Variants in THSD4 observed in about 807,000 individuals in gnomAD.
The protein encoded by THSD4 is thrombospondin type 1 domain containing 4.
In THSD4, 69 loss-of-function variants were observed where a neutral mutation model predicts 119.0. That is an observed-to-expected ratio of 0.58 (90% CI 0.48 to 0.71). The LOEUF (loss-of-function observed/expected upper bound fraction) is 0.71, where lower values mean the gene tolerates loss of function less well. Among genes scored for constraint, THSD4 ranks in the 30% least tolerant of loss-of-function variants. The probability of loss-of-function intolerance (pLI) is 0.00; values close to 1 mark genes in which losing one functional copy is unlikely to be tolerated. For missense variants in THSD4, 1,393 were observed against 1,391.1 expected (o/e 1.00, Z -0.02); for synonymous variants, 524 against 540.4 (o/e 0.97, Z 0.42).
intron 8 of THSD4, among the ~76,000 whole-genome samples, chr15:71,686,194 T>C (rs1296556048): frequency 6.6e-6 from 1 of 152,220 alleles, no homozygotes; most frequent in African/African-American, 2.4e-5. Flanking sequence ...TAGAACTTTC[T>C]TCATCTTCCA....
intron 8 of THSD4, among the ~76,000 whole-genome samples, chr15:71,724,565 G>A (rs796573567): frequency 2.4e-4 from 25 of 106,354 alleles, no homozygotes; most frequent in African/African-American, 6.6e-4. Flanking sequence ...GATTACAGGC[G>A]TGAGGCACTA....
intron 2 of THSD4, among the ~76,000 whole-genome samples, chr15:71,146,361 G>A (rs1360130146): frequency 1.3e-5 from 2 of 151,792 alleles, no homozygotes; most frequent in Non-Finnish European, 2.9e-5. Flanking sequence ...AAAGCAGTCT[G>A]AGTACCAGAA....
At chr15:71,544,710 G>A (rs2048811310) in intron 7 of THSD4, among the ~76,000 whole-genome samples, 1 of 152,204 alleles carries the variant, frequency 6.6e-6, no homozygotes, top group African/African-American at 2.4e-5. Flanking sequence ...GTACAGCCAT[G>A]GTCATAGAAG....
chr15:71,334,737 A>G lies in THSD4; in HGVS notation c.1016-76950A>G, dbSNP rs148228002. On this transcript the variant is annotated intron_variant, in intron 6 of 17. Coordinates refer to ENST00000261862, the MANE Select transcript of THSD4 (RefSeq NM_024817.3). ...GCCTCCCTCTCTCTAGTTCTTTGAA[A>G]GTAAGCCCTTAGCCTGATATGTTTG... Among the ~76,000 whole-genome samples the G allele has an allele frequency of 3.2e-3, 493 of 152,318 alleles. 2 individuals are homozygous for G. Among genetic ancestry groups the G allele is most frequent in the Non-Finnish European group, 5.5e-3 (372 of 68,018 alleles).
At chr15:71,604,466 A>T (rs1019813030) in intron 7 of THSD4, among the ~76,000 whole-genome samples, 4 of 152,216 alleles carry the variant, frequency 2.6e-5, no homozygotes, top group African/African-American at 9.6e-5. Context: ...ATGGCATTTT[A>T]TTCAGCAGTT....
intron 7 of THSD4, among the ~76,000 whole-genome samples, chr15:71,446,907 T>A (rs2047189648): frequency 6.6e-6 from 1 of 152,024 alleles, no homozygotes; most frequent in African/African-American, 2.4e-5. Context: ...AAGAAAAACT[T>A]GTCTTTTGTC....
intron 15 of THSD4, among the ~76,000 whole-genome samples, chr15:71,759,380 CCT>C (rs1412397571): frequency 1.3e-5 from 2 of 152,166 alleles, no homozygotes; most frequent in Non-Finnish European, 2.9e-5. Context: ...AGTGATTTAA[CCT>C]CTCTGAGCCT....
rs189209581 is a variant in THSD4, at chr15:71,693,687, G to A, written c.1357+32953G>A. Among the ~76,000 whole-genome samples the A allele has an allele frequency of 7.2e-5, 11 of 152,264 alleles. No individual in the cohort carries two copies. In the East Asian group the frequency reaches 2.1e-3, roughly 29 times the overall value. On this transcript the variant is annotated intron_variant, in intron 8 of 17. Coordinates refer to ENST00000261862, the MANE Select transcript of THSD4 (RefSeq NM_024817.3). The stretch of plus-strand genomic sequence containing the variant: ...TCCCATGGGTTGTAGGAGAGACCCA[G>A]TGGGAGATAATTGAATCATGGAGGC...
At chr15:71,136,119 G>A (rs887762435) in intron 1 of THSD4, among the ~76,000 whole-genome samples, 6 of 146,838 alleles carry the variant, frequency 4.1e-5, no homozygotes, top group Admixed American at 1.4e-4. Context: ...CCCTAGACCC[G>A]CTGTGTGGCC....
intron 6 of THSD4, among the ~76,000 whole-genome samples, chr15:71,302,338 G>C (rs1006036195): frequency 1.3e-5 from 2 of 152,142 alleles, no homozygotes; most frequent in African/African-American, 4.8e-5. Flanking sequence ...GGGAAGGCCA[G>C]GAGATCACCA....
rs2052234617 is a variant in THSD4, at chr15:71,699,251, C to T, written c.1358-29298C>T. Among the ~76,000 whole-genome samples the T allele has an allele frequency of 8.1e-5, 4 of 49,610 alleles. 1 individual carries two copies. In the South Asian group the frequency reaches 3.0e-3, roughly 37 times the overall value. The allele number at this position is 49,610 out of a possible 152,430, so 32.5% of individuals were successfully genotyped here. Reference sequence around the variant, plus strand: ...TTTTTGAGACGGAGTCTCGCTCTGTCGCCCAGGCTGGAGTGCAGTGGCGGG... The same window carrying T: ...TTTTTGAGACGGAGTCTCGCTCTGTTGCCCAGGCTGGAGTGCAGTGGCGGG... On this transcript the variant is annotated intron_variant, in intron 8 of 17. Transcript: ENST00000261862.
chr15:71,523,805 A>G (rs968372362), intron 7 of THSD4, among the ~76,000 whole-genome samples: 1 of 152,238 alleles, frequency 6.6e-6, no homozygotes, highest in African/African-American at 2.4e-5. Context: ...TCCTAATTTG[A>G]CACCAAGGCA....
At chr15:71,396,748 A>G (rs542040701) in intron 6 of THSD4, among the ~76,000 whole-genome samples, 1 of 152,344 alleles carries the variant, frequency 6.6e-6, no homozygotes, top group African/African-American at 2.4e-5. Context: ...TTTATTAAAT[A>G]TAACATTTTA....
At chr15:71,684,928 C>T (rs185557115) in intron 8 of THSD4, among the ~76,000 whole-genome samples, 56 of 152,128 alleles carry the variant, frequency 3.7e-4, no homozygotes, top group African/African-American at 1.3e-3. Flanking sequence ...TGTGAGTCTA[C>T]TATGTTTTCT....
At chr15:71,701,293 C>A (rs2052283973) in intron 8 of THSD4, among the ~76,000 whole-genome samples, 1 of 152,110 alleles carries the variant, frequency 6.6e-6, no homozygotes, top group Non-Finnish European at 1.5e-5. Flanking sequence ...GTAATCAGGA[C>A]AATTCAGATT....
chr15:71,134,666 A>G (rs2040533091), intron 1 of THSD4, among the ~76,000 whole-genome samples: 1 of 152,222 alleles, frequency 6.6e-6, no homozygotes, highest in Non-Finnish European at 1.5e-5. Context: ...GAAAGAGTCT[A>G]CCTTTAAGAA....
intron 7 of THSD4, among the ~76,000 whole-genome samples, chr15:71,423,384 C>T (rs1022715596): frequency 6.6e-6 from 1 of 152,034 alleles, no homozygotes; most frequent in Non-Finnish European, 1.5e-5. Flanking sequence ...TTATTCAGGG[C>T]CCAAAGGCTC....
intron 6 of THSD4, among the ~76,000 whole-genome samples, chr15:71,330,731 C>T (rs150523550): frequency 3.2e-4 from 49 of 152,296 alleles, no homozygotes; most frequent in African/African-American, 1.1e-3. Flanking sequence ...ATGCTTTGTT[C>T]CTTCTGATGT....
chr15:71,389,769 A>G (rs1005731878), intron 6 of THSD4, among the ~76,000 whole-genome samples: 2 of 145,628 alleles, frequency 1.4e-5, no homozygotes, highest in African/African-American at 5.1e-5. Context: ...AAGGGTTCCA[A>G]TTTATCCACA....
Sources: gnomAD v4.1 joint callset for allele counts (sites outside exome capture counted in the v4.1 genomes callset) on GRCh38, gnomAD v4.1.1 for gene constraint, MANE v1.5 for transcripts, NCBI Gene and HGNC (gene_info 2026-07-23, HGNC 2026-07-21) for gene names.